The following NR1H4 variants were observed in gnomAD, a reference collection of about 807,000 sequenced individuals.
The protein encoded by NR1H4 is nuclear receptor subfamily 1 group H member 4, also known as bile acid receptor.
Under a neutral mutation model 58.5 loss-of-function variants are expected in NR1H4, and 23 were observed. The observed-to-expected ratio is 0.39, with a 90% CI of 0.28 to 0.56. NR1H4 has a LOEUF of 0.56. Among genes scored for constraint, NR1H4 ranks in the 20% least tolerant of loss-of-function variants. The pLI is 0.58. For missense variants in NR1H4, 487 were observed against 576.9 expected (o/e 0.84, Z 1.60); for synonymous variants, 214 against 198.0 (o/e 1.08, Z -0.68).
At chr12:100,487,294 T>C (rs1262002772) in intron 1 of NR1H4, among the ~76,000 whole-genome samples, 1 of 152,234 alleles carries the variant, frequency 6.6e-6, no homozygotes, top group Non-Finnish European at 1.5e-5. Context: ...ATTGCCTCAA[T>C]TTTCTGCAAT....
In NR1H4 at chr12:100,518,506, C is replaced by G. The variant is rs148865410; in HGVS notation, c.445+7363C>G. Among the ~76,000 whole-genome samples the G allele has an allele frequency of 3.6e-4, 55 of 152,278 alleles. 1 individual carries two copies. The highest frequency in any genetic ancestry group is 7.1e-4 in the Non-Finnish European group (48 of 68,020). On this transcript the variant is annotated intron_variant, in intron 4 of 10. Transcript: ENST00000392986. ...TGCCCCCATGGTGTCAGGAAAAGGA[C>G]AAGCATGCAAGGGAGAGGATGGGTT...
intron 9 of NR1H4, among the ~76,000 whole-genome samples, chr12:100,553,749 C>A (rs972323762): frequency 2.0e-5 from 3 of 152,330 alleles, no homozygotes; most frequent in African/African-American, 7.2e-5. Context: ...CTATCCTTGG[C>A]GTATTGACCT....
chr12:100,491,010 G>A (rs1359423092), intron 1 of NR1H4, among the ~76,000 whole-genome samples: 1 of 152,138 alleles, frequency 6.6e-6, no homozygotes, highest in Non-Finnish European at 1.5e-5. Context: ...GCCCAGGCTG[G>A]TCTCGAACTC....
At chr12:100,507,674 A>G (rs1324144025) in intron 3 of NR1H4, among the ~76,000 whole-genome samples, 4 of 152,126 alleles carry the variant, frequency 2.6e-5, no homozygotes, top group Non-Finnish European at 5.9e-5. Flanking sequence ...CATGTTGGCT[A>G]GGATGGTCTC....
chr12:100,561,266 C>T (rs540827265), intron 9 of NR1H4, among the ~76,000 whole-genome samples: 3 of 152,158 alleles, frequency 2.0e-5, no homozygotes, highest in East Asian at 1.9e-4. Context: ...GGCGCGGTGG[C>T]GGGAGCCTGT....
chr12:100,546,257 T>G (rs1483760861), intron 9 of NR1H4, among the ~76,000 whole-genome samples: 4 of 152,136 alleles, frequency 2.6e-5, no homozygotes, highest in Admixed American at 2.6e-4. Flanking sequence ...TTGAGGTAGA[T>G]ATTATCAATT....
intron 3 of NR1H4, chr12:100,503,456 A>C: frequency 6.3e-7 from 1 of 1,597,692 alleles, no homozygotes; most frequent in Non-Finnish European, 8.5e-7. Context: ...GTACGCCGTC[A>C]GGATTTTTCA....
At position 100,537,065 on chromosome 12, in the gene NR1H4, A is replaced by C. The variant is rs371220087; in HGVS notation, c.931+18A>C. On this transcript the variant is annotated intron_variant, in intron 8 of 10. Transcript: ENST00000392986. ...GCTACCAGGTATTTTTTAAATAATC[A>C]AAGTTAATATTTATTGAGAGTTTAA... is the stretch of plus-strand genomic sequence containing the variant. The C allele has an allele frequency of 7.0e-7, 1 of 1,428,414 alleles. No homozygotes were observed. The highest frequency in any genetic ancestry group is 1.2e-5 in the South Asian group (1 of 84,442). 88.5% of individuals were successfully genotyped at this position (1,428,414 alleles called of 1,614,324 possible).
chr12:100,499,976 C>T (rs757107906), intron 3 of NR1H4: 19 of 455,866 alleles, frequency 4.2e-5, no homozygotes, highest in Non-Finnish European at 7.9e-5. Context: ...TGGCACATCA[C>T]AAGTACTCTA....
chr12:100,506,022 CACACACACACACACACACACAGAG>C (rs1953953710), intron 3 of NR1H4, among the ~76,000 whole-genome samples: 1 of 146,238 alleles, frequency 6.8e-6, no homozygotes, highest in Admixed American at 6.6e-5. Context: ...CACACACACA[CACACACACACACACACACACAGAG>C]AGAGAGAGAG....
In NR1H4 at chr12:100,563,747, A is replaced by T. The variant is rs1382247399; in HGVS notation, c.*258A>T. The T allele has an allele frequency of 4.3e-6, 2 of 464,552 alleles. No homozygotes were observed. Among genetic ancestry groups the T allele is most frequent in the South Asian group, 3.3e-5 (1 of 30,108 alleles). 28.8% of individuals were successfully genotyped at this position (464,552 alleles called of 1,614,324 possible). On this transcript the variant is annotated 3_prime_UTR_variant, in exon 11 of 11. Coordinates refer to ENST00000392986, the MANE Select transcript of NR1H4 (RefSeq NM_001206979.2). The stretch of plus-strand genomic sequence containing the variant: ...TGTTTGCCTAATTAAATTGATTGTT[A>T]CTTCAATTCTATCTGTTGAACTAGG...
chr12:100,541,335 G>A (rs937490594), intron 9 of NR1H4, among the ~76,000 whole-genome samples: 3 of 151,150 alleles, frequency 2.0e-5, no homozygotes, highest in Admixed American at 1.3e-4. Flanking sequence ...AGGCTGGAGT[G>A]TAGTGGTGTG....
intron 4 of NR1H4, among the ~76,000 whole-genome samples, chr12:100,526,545 T>C (rs938734711): frequency 6.6e-6 from 1 of 152,332 alleles, no homozygotes; most frequent in East Asian, 1.9e-4. Flanking sequence ...GAAATTCATC[T>C]GGTCTATGTT....
At chr12:100,558,389 C>G (rs1955385005) in intron 9 of NR1H4, among the ~76,000 whole-genome samples, 1 of 149,402 alleles carries the variant, frequency 6.7e-6, no homozygotes, top group African/African-American at 2.5e-5. Context: ...GACAGCATCT[C>G]ACTTTGTCAC....
At chr12:100,558,556 G>A (rs1301617782) in intron 9 of NR1H4, among the ~76,000 whole-genome samples, 1 of 152,102 alleles carries the variant, frequency 6.6e-6, no homozygotes, top group Non-Finnish European at 1.5e-5. Context: ...ATGGGGTTTT[G>A]CCATGTTGCC....
At position 100,511,032 on chromosome 12, in the gene NR1H4, C is replaced by A. The variant is rs1357709693; in HGVS notation, c.334C>A (p.Pro112Thr). Residue 112 changes from proline to threonine, a missense_variant, in exon 4 of 11, where the codon CCC (proline) becomes ACC (threonine). Coordinates refer to ENST00000392986, the MANE Select transcript of NR1H4 (RefSeq NM_001206979.2). ...AGCAGAGATGCCTGTAACAAAGAAG[C>A]CCCGCATGGGCGCGTCAGCAGGGAG... is the stretch of plus-strand genomic sequence containing the variant. ...EVAEMPVTKK[P>T]RMGASAGRIK... The A allele has an allele frequency of 1.9e-6, 3 of 1,614,124 alleles. No individual in the cohort carries two copies. Among genetic ancestry groups the A allele is most frequent in the Admixed American group, 1.7e-5 (1 of 60,004 alleles).
At position 100,537,025 on chromosome 12, in the gene NR1H4, A is replaced by T; in HGVS notation, c.909A>T (p.Val303=). ...CAACCAATCATGTACAGGTTCTTGTAGAATTCACAAAAAAGCTACCAGGTA... is the reference window on the plus strand; with the variant it reads ...CAACCAATCATGTACAGGTTCTTGTTGAATTCACAAAAAAGCTACCAGGTA... ...EMATNHVQVL[V]EFTKKLPGFQ... The change falls in exon 8 of 11, where the codon GTA becomes GTT. Residue 303 remains valine (V), a synonymous_variant. Transcript: ENST00000392986. The T allele has an allele frequency of 6.2e-7, 1 of 1,603,574 alleles. No individual in the cohort carries two copies. Among genetic ancestry groups the T allele is most frequent in the Non-Finnish European group, 8.5e-7 (1 of 1,174,258 alleles).
chr12:100,495,563 T>G (rs1953695874), intron 3 of NR1H4, among the ~76,000 whole-genome samples: 1 of 152,008 alleles, frequency 6.6e-6, no homozygotes, highest in African/African-American at 2.4e-5. Context: ...AAACCCTGTC[T>G]CTACTAAAAA....
At chr12:100,478,666 T>TCA (rs1332275741) in intron 1 of NR1H4, among the ~76,000 whole-genome samples, 1 of 152,224 alleles carries the variant, frequency 6.6e-6, no homozygotes, top group East Asian at 1.9e-4. Context: ...GCACAGTTCA[T>TCA]TTAGCCATTC....
Sources: gnomAD v4.1 joint callset for allele counts (sites outside exome capture counted in the v4.1 genomes callset) on GRCh38, gnomAD v4.1.1 for gene constraint, MANE v1.5 for transcripts, NCBI Gene and HGNC (gene_info 2026-07-23, HGNC 2026-07-21) for gene names.